The following NR6A1 variants were observed in gnomAD, a reference collection of about 807,000 sequenced individuals.
NR6A1 encodes the protein nuclear receptor subfamily 6 group A member 1, also known as retinoic acid receptor-related testis-associated receptor.
In NR6A1, 7 loss-of-function variants were observed where a neutral mutation model predicts 59.1. That is an observed-to-expected ratio of 0.12 (90% CI 0.07 to 0.22). The LOEUF is 0.22. Ranked by LOEUF, NR6A1 falls within the 10% of genes least tolerant of loss-of-function variation. The pLI is 1.00. For missense variants in NR6A1, 468 were observed against 611.6 expected (o/e 0.77, Z 2.48); for synonymous variants, 243 against 236.1 (o/e 1.03, Z -0.27).
intron 2 of NR6A1, among the ~76,000 whole-genome samples, chr9:124,583,594 C>A (rs1172965692): frequency 6.6e-6 from 1 of 152,158 alleles, no homozygotes; most frequent in African/African-American, 2.4e-5. Flanking sequence ...ACTCACAGAT[C>A]AAAGTTCTCT....
At chr9:124,649,605 G>T (rs1170059990) in intron 2 of NR6A1, among the ~76,000 whole-genome samples, 2 of 152,136 alleles carry the variant, frequency 1.3e-5, no homozygotes, top group African/African-American at 2.4e-5. Flanking sequence ...ATTGACAAAT[G>T]GGGTTATATC....
At chr9:124,573,465 C>T (rs954035231) in intron 2 of NR6A1, among the ~76,000 whole-genome samples, 14 of 152,294 alleles carry the variant, frequency 9.2e-5, no homozygotes, top group Middle Eastern at 3.4e-3. Flanking sequence ...CCTAACTCCG[C>T]TCTCTGAGGC....
chr9:124,604,618 G>A (rs1324521676), intron 2 of NR6A1, among the ~76,000 whole-genome samples: 1 of 152,096 alleles, frequency 6.6e-6, no homozygotes, highest in Non-Finnish European at 1.5e-5. Context: ...AGACCAGCCT[G>A]GGCAATATGG....
At chr9:124,749,524 C>CT (rs910882198) in intron 1 of NR6A1, among the ~76,000 whole-genome samples, 5 of 152,072 alleles carry the variant, frequency 3.3e-5, no homozygotes. Flanking sequence ...CCATTCAGAT[C>CT]TCAGATCACC....
chr9:124,563,095 G>T (rs1233653102), intron 2 of NR6A1, among the ~76,000 whole-genome samples: 2 of 152,186 alleles, frequency 1.3e-5, no homozygotes, highest in Non-Finnish European at 2.9e-5. Context: ...CTGGCACAAT[G>T]AATGCTATAG....
At chr9:124,758,424 T>C (rs528565891) in intron 1 of NR6A1, among the ~76,000 whole-genome samples, 5 of 152,338 alleles carry the variant, frequency 3.3e-5, no homozygotes, top group Non-Finnish European at 1.5e-5. Context: ...CTCTTCTCAA[T>C]GCTGAATGAG....
chr9:124,674,141 T>C (rs78591104), intron 2 of NR6A1, among the ~76,000 whole-genome samples: 150 of 152,302 alleles, frequency 9.8e-4, no homozygotes, highest in African/African-American at 3.2e-3. Context: ...GCCTGACCCA[T>C]AGTAAGTGCT....
intron 2 of NR6A1, among the ~76,000 whole-genome samples, chr9:124,612,406 C>CTT: frequency 6.6e-6 from 1 of 152,152 alleles, no homozygotes; most frequent in Non-Finnish European, 1.5e-5. Flanking sequence ...TGAGAGGAGA[C>CTT]CAATGACTTC....
intron 2 of NR6A1, among the ~76,000 whole-genome samples, chr9:124,635,614 C>G (rs1836585936): frequency 6.6e-6 from 1 of 152,166 alleles, no homozygotes; most frequent in Admixed American, 6.5e-5. Flanking sequence ...AGAACAGACT[C>G]ATATAGTATG....
intron 2 of NR6A1, among the ~76,000 whole-genome samples, chr9:124,570,251 T>G (rs960358312): frequency 7.9e-5 from 12 of 151,984 alleles, no homozygotes; most frequent in Admixed American, 1.3e-4. Flanking sequence ...CCCTTTCCCC[T>G]CCAGCCTGCT....
At chr9:124,718,281 G>A (rs142171310) in intron 2 of NR6A1, among the ~76,000 whole-genome samples, 11 of 152,314 alleles carry the variant, frequency 7.2e-5, no homozygotes, top group African/African-American at 2.6e-4. Flanking sequence ...ATTATCAATA[G>A]TGCTGGCTCA....
chr9:124,540,081 C>G lies in NR6A1; in HGVS notation c.548G>C (p.Arg183Thr). The G allele has an allele frequency of 6.2e-7, 1 of 1,613,280 alleles. No homozygotes were observed. The highest frequency in any genetic ancestry group is 8.5e-7 in the Non-Finnish European group (1 of 1,179,852). ...TGAGGGCTGGTTGCTCTCCGAAGCC[C>G]TGTTCCCAGGGGAACTGTGGTCACT... ...GDSDHSSPGNRASESNQPSPG... is the reference protein window; with the variant it reads ...GDSDHSSPGNTASESNQPSPG... The change falls in exon 5 of 10, where the codon AGG (arginine) becomes ACG (threonine). Residue 183 changes from arginine (R) to threonine (T), a missense_variant. Arg to Thr is a moderately conservative substitution (Grantham distance 71). This residue lies in a region of NR6A1 where 151 missense variants were observed against 142.8 expected (regional missense o/e 1.06). Coordinates refer to ENST00000487099, the MANE Select transcript of NR6A1 (RefSeq NM_033334.4).
At chr9:124,595,100 T>C (rs1835233839) in intron 2 of NR6A1, among the ~76,000 whole-genome samples, 1 of 152,224 alleles carries the variant, frequency 6.6e-6, no homozygotes, top group Admixed American at 6.5e-5. Context: ...ATAATAAAGT[T>C]GTGGAAAAGT....
At chr9:124,544,203 G>A (rs1475697680) in intron 3 of NR6A1, among the ~76,000 whole-genome samples, 1 of 152,230 alleles carries the variant, frequency 6.6e-6, no homozygotes, top group Admixed American at 6.5e-5. Context: ...GGGAGGGACA[G>A]AGTATTTCCA....
intron 2 of NR6A1, among the ~76,000 whole-genome samples, chr9:124,696,614 C>CT (rs1400540528): frequency 6.8e-6 from 1 of 146,260 alleles, no homozygotes; most frequent in Non-Finnish European, 1.5e-5. Flanking sequence ...CCTCTGCCTC[C>CT]TGGGTTCAAC....
At chr9:124,612,324 A>T (rs1835771832) in intron 2 of NR6A1, among the ~76,000 whole-genome samples, 1 of 152,170 alleles carries the variant, frequency 6.6e-6, no homozygotes, top group Admixed American at 6.6e-5. Flanking sequence ...GACCCTCCAT[A>T]GAACTGACCC....
chr9:124,540,275 A>T lies in NR6A1; in HGVS notation c.442-88T>A, dbSNP rs1484802711. ...TGAGAGCTTATTTAAATCTCATAGG[A>T]TTTCCCAGAAACCTAGGTTCCCTCT... On this transcript the variant is annotated intron_variant, in intron 4 of 9. Coordinates refer to ENST00000487099, the MANE Select transcript of NR6A1 (RefSeq NM_033334.4). 7 of 1,395,362 alleles carry T rather than the reference A, an allele frequency of 5.0e-6. No homozygotes were observed. The African/African-American group carries it at 1.0e-4, about 20-fold the overall frequency. The allele number at this position is 1,395,362 out of a possible 1,614,324, so 86.4% of individuals were successfully genotyped here.
intron 2 of NR6A1, among the ~76,000 whole-genome samples, chr9:124,679,388 C>G (rs1032054343): frequency 1.3e-5 from 2 of 152,108 alleles, no homozygotes; most frequent in Admixed American, 6.6e-5. Flanking sequence ...GCAAGCTAGA[C>G]CTGTACAACT....
intron 1 of NR6A1, among the ~76,000 whole-genome samples, chr9:124,770,580 G>T (rs1841109765): frequency 6.7e-6 from 1 of 150,130 alleles, no homozygotes; most frequent in South Asian, 2.2e-4. Context: ...CCGAGTGAGG[G>T]GATGCCCCCA....
Sources: gnomAD v4.1 joint callset for allele counts (sites outside exome capture counted in the v4.1 genomes callset) on GRCh38, gnomAD v4.1.1 for gene constraint, gnomAD v4.1.1 regional missense constraint, MANE v1.5 for transcripts, NCBI Gene and HGNC (gene_info 2026-07-23, HGNC 2026-07-21) for gene names.